Variants in SP100 observed in about 807,000 individuals in gnomAD.
SP100 encodes nuclear autoantigen Sp-100.
A neutral mutation model predicts 130.0 loss-of-function variants in SP100; 84 were observed. That is an observed-to-expected ratio of 0.65 (90% CI 0.54 to 0.77). SP100 has a LOEUF of 0.77. Ranked by LOEUF, SP100 falls within the 30% of genes least tolerant of loss-of-function variation. SP100 has a pLI of 0.00. For synonymous variants in SP100, 331 were observed against 351.7 expected (o/e 0.94, Z 0.66); for missense variants, 978 against 1,052.2 (o/e 0.93, Z 0.97).
intron 17 of SP100, among the ~76,000 whole-genome samples, chr2:230,484,860 G>A (rs1325717729): frequency 1.3e-5 from 2 of 151,784 alleles, no homozygotes; most frequent in African/African-American, 2.4e-5. Context: ...TAACTTTTCC[G>A]AGGCATATGT....
intron 9 of SP100, 51 bp from the exon 10 acceptor site, chr2:230,462,384 A>G (rs758300499): frequency 1.4e-6 from 2 of 1,396,366 alleles, no homozygotes; most frequent in Admixed American, 1.7e-5. Context: ...TGGTGCATGG[A>G]CTCCTTGGTC....
intron 9 of SP100, among the ~76,000 whole-genome samples, chr2:230,461,814 T>C (rs1254568640): frequency 6.6e-6 from 1 of 151,784 alleles, no homozygotes; most frequent in Non-Finnish European, 1.5e-5. Context: ...CCAGACAAGG[T>C]GACACATGTC....
chr2:230,481,557 G>T (rs764465909), intron 17 of SP100, among the ~76,000 whole-genome samples: 2 of 152,104 alleles, frequency 1.3e-5, no homozygotes, highest in African/African-American at 2.4e-5. Flanking sequence ...GTGGAATACC[G>T]CAGAGTCCTC....
At chr2:230,531,283 G>A (rs1301561064) in intron 24 of SP100, among the ~76,000 whole-genome samples, 1 of 152,156 alleles carries the variant, frequency 6.6e-6, no homozygotes, top group Non-Finnish European at 1.5e-5. Context: ...CATGGATGAA[G>A]CTGGAAACCA....
intron 24 of SP100, chr2:230,515,965 T>C: frequency 9.6e-7 from 1 of 1,036,948 alleles, no homozygotes; most frequent in Non-Finnish European, 1.2e-6. Flanking sequence ...TTGTCTCTGA[T>C]GTAGCTTATA....
chr2:230,439,412 G>T (rs2063398062), intron 2 of SP100, among the ~76,000 whole-genome samples: 1 of 152,104 alleles, frequency 6.6e-6, no homozygotes, highest in Admixed American at 6.6e-5. Context: ...TCACAATATT[G>T]ATTTTACCCA....
At chr2:230,417,730 G>C in intron 2 of SP100, 65 bp downstream of exon 2, 1 of 1,568,338 alleles carries the variant, frequency 6.4e-7, no homozygotes, top group South Asian at 1.2e-5. Flanking sequence ...AAATTGATCA[G>C]CTTTTCATGT....
intron 15 of SP100, chr2:230,470,542 T>A (rs1251000001): frequency 4.7e-6 from 2 of 429,270 alleles, no homozygotes; most frequent in African/African-American, 2.1e-5. Context: ...GTTAGTATAG[T>A]TTTTGGTAGA....
chr2:230,527,492 C>T (rs763183435), intron 24 of SP100, among the ~76,000 whole-genome samples: 1 of 152,152 alleles, frequency 6.6e-6, no homozygotes, highest in African/African-American at 2.4e-5. Flanking sequence ...TAAAGACCAT[C>T]GATGCTATGA....
intron 24 of SP100, chr2:230,515,550 C>T: frequency 6.3e-7 from 1 of 1,598,908 alleles, no homozygotes. Flanking sequence ...AGAGAGTTGT[C>T]AAGGCTGAAA....
chr2:230,502,330 C>CA (rs1365479032), intron 19 of SP100, among the ~76,000 whole-genome samples: 2 of 152,194 alleles, frequency 1.3e-5, no homozygotes, highest in Non-Finnish European at 2.9e-5. Context: ...ATTTTCAGTA[C>CA]AAAACCTTCC....
Position 230,473,349 on chromosome 2 carries a change from TAAG to T in SP100, c.1459_1461del (p.Lys487del), listed in dbSNP as rs1229840657. On this transcript the variant is annotated inframe_deletion, in exon 16 of 29. Coordinates refer to ENST00000340126, the MANE Select transcript of SP100 (RefSeq NM_001080391.2). Reference sequence around the variant, plus strand: ...GATCACAGCCACAAGAACCTGAAAATAAGAAGTGCTCCTGTGTCATGTGTTTTC... The same window carrying T: ...GATCACAGCCACAAGAACCTGAAAATAAGTGCTCCTGTGTCATGTGTTTTC... 1 of 1,612,962 alleles carries T rather than the reference TAAG, an allele frequency of 6.2e-7. No homozygotes were observed. The highest frequency in any genetic ancestry group is 8.5e-7 in the Non-Finnish European group (1 of 1,179,270).
At chr2:230,469,645 G>T (rs1175201929) in intron 14 of SP100, 1 of 686,872 alleles carries the variant, frequency 1.5e-6, no homozygotes, top group African/African-American at 1.9e-5. Context: ...ACAGAATAGG[G>T]TAGGAAAAGA....
intron 15 of SP100, 93 bp from the exon 16 acceptor site, chr2:230,473,231 C>A: frequency 4.0e-6 from 3 of 753,574 alleles, no homozygotes; most frequent in Middle Eastern, 2.4e-4. Context: ...CTTAATTTAG[C>A]TGTGGGGAGT....
chr2:230,517,586 ACT>A (rs1395065042), intron 24 of SP100, among the ~76,000 whole-genome samples: 1 of 152,050 alleles, frequency 6.6e-6, no homozygotes, highest in African/African-American at 2.4e-5. Context: ...ACATGGTGAA[ACT>A]CTGTCTCTAC....
At chr2:230,535,906 C>CAAAAAAAAAAAAAAAA (rs34684038) in intron 24 of SP100, among the ~76,000 whole-genome samples, 2 of 47,598 alleles carry the variant, frequency 4.2e-5, no homozygotes, top group African/African-American at 2.2e-4. Flanking sequence ...GACTCCATCT[C>CAAAAAAAAAAAAAAAA]AAAAAAAAAA....
At chr2:230,457,777 T>C (rs1382563114) in intron 8 of SP100, among the ~76,000 whole-genome samples, 1 of 152,210 alleles carries the variant, frequency 6.6e-6, no homozygotes, top group East Asian at 1.9e-4. Context: ...TTCACATCAG[T>C]GTTTCTGCAG....
In SP100 at chr2:230,503,121, G is replaced by A; in HGVS notation, c.1765+11G>A. The stretch of plus-strand genomic sequence containing the variant: ...GAAGAAGAAAAAGAGGTAAATAGAA[G>A]TGATCGATATGTTTTTCATAATTAA... On this transcript the variant is annotated intron_variant, in intron 20 of 28. Coordinates refer to ENST00000340126, the MANE Select transcript of SP100 (RefSeq NM_001080391.2). The A allele has an allele frequency of 6.4e-7, 1 of 1,564,116 alleles. No individual in the cohort carries two copies. Among genetic ancestry groups the A allele is most frequent in the Non-Finnish European group, 8.8e-7 (1 of 1,140,234 alleles).
At chr2:230,479,100 C>T (rs926782240) in intron 17 of SP100, among the ~76,000 whole-genome samples, 2 of 152,202 alleles carry the variant, frequency 1.3e-5, no homozygotes, top group African/African-American at 2.4e-5. Flanking sequence ...GGATTACAGG[C>T]GCGAGCCACC....
Sources: allele counts gnomAD v4.1 joint callset (sites outside exome capture counted in the v4.1 genomes callset), GRCh38; gene constraint gnomAD v4.1.1; transcripts MANE v1.5; gene names NCBI Gene and HGNC (gene_info 2026-07-23, HGNC 2026-07-21).